Variants in FHIT observed in about 807,000 individuals in gnomAD.
FHIT encodes bis(5'-adenosyl)-triphosphatase.
In FHIT, 19 loss-of-function variants were observed where a neutral mutation model predicts 17.9. The ratio of observed to expected loss-of-function variants is 1.06; its 90% CI spans 0.74 to 1.56. The LOEUF (loss-of-function observed/expected upper bound fraction) is 1.56. Among genes scored for constraint, FHIT ranks in the 40% most tolerant of loss-of-function variants. The pLI, the probability that FHIT is intolerant of heterozygous loss-of-function variation, is 0.00. For missense variants in FHIT, 248 were observed against 189.2 expected (o/e 1.31, Z -1.82); for synonymous variants, 81 against 69.7 (o/e 1.16, Z -0.81).
In FHIT at chr3:59,788,881, G is replaced by GTTTTTTTTTTTTTTTTTTTTTTTTTTT. The variant is rs60361063; in HGVS notation, c.349-36561_349-36560insAAAAAAAAAAAAAAAAAAAAAAAAAAA. 1.0e-4 allele frequency among the ~76,000 whole-genome samples: 9 copies of GTTTTTTTTTTTTTTTTTTTTTTTTTTT among 86,832 alleles called. 1 individual carries two copies. Among genetic ancestry groups the GTTTTTTTTTTTTTTTTTTTTTTTTTTT allele is most frequent in the East Asian group, 4.0e-4 (1 of 2,508 alleles). 57.0% of individuals were successfully genotyped at this position (86,832 alleles called of 152,430 possible). A position where few individuals can be genotyped will look rare whatever the true frequency, so the allele number is the denominator to read the frequency against. ...ACCACGTTCTTTGCTGAGTTCATATGTTTTTTTTTTTTACCCCATCTCCAA... is the reference window on the plus strand; with the variant it reads ...ACCACGTTCTTTGCTGAGTTCATATGTTTTTTTTTTTTTTTTTTTTTTTTTTTTTTTTTTTTTTTACCCCATCTCCAA... On this transcript the variant is annotated intron_variant, in intron 8 of 9. Transcript: ENST00000492590.
chr3:61,132,381 G>C (rs928692814), intron 2 of FHIT, among the ~76,000 whole-genome samples: 4 of 152,062 alleles, frequency 2.6e-5, no homozygotes, highest in Non-Finnish European at 5.9e-5. Flanking sequence ...AATATTTACT[G>C]AACACCTGCT....
At position 60,056,727 on chromosome 3, in the gene FHIT, A is replaced by C. The variant is rs145789658; in HGVS notation, c.104-42575T>G. Among the ~76,000 whole-genome samples the C allele has an allele frequency of 3.1e-4, 47 of 152,344 alleles. No homozygotes were observed. The East Asian group carries it at 8.5e-3, about 28-fold the overall frequency. On this transcript the variant is annotated intron_variant, in intron 5 of 9. Transcript: ENST00000492590. ...TTTGCTGGCTTGGCAGGAAAACAGA[A>C]ATTGCTTTTTATCAAAATGAAAAAG... is the stretch of plus-strand genomic sequence containing the variant.
At chr3:60,118,786 G>GC (rs1705107790) in intron 5 of FHIT, among the ~76,000 whole-genome samples, 4 of 135,928 alleles carry the variant, frequency 2.9e-5, no homozygotes, top group African/African-American at 1.1e-4. Context: ...GGGGGGGGGG[G>GC]GTGGTGAATC....
intron 5 of FHIT, among the ~76,000 whole-genome samples, chr3:60,368,842 T>C (rs1242350857): frequency 6.6e-6 from 1 of 152,156 alleles, no homozygotes; most frequent in Non-Finnish European, 1.5e-5. Context: ...AAATAGTTCT[T>C]TTTCTTAGTC....
intron 3 of FHIT, among the ~76,000 whole-genome samples, chr3:60,830,460 C>T (rs1050858448): frequency 1.3e-5 from 2 of 152,114 alleles, no homozygotes; most frequent in African/African-American, 2.4e-5. Flanking sequence ...AGAGATTTCT[C>T]TCAGGGAATA....
chr3:61,185,198 G>A (rs2038469707), intron 2 of FHIT, among the ~76,000 whole-genome samples: 1 of 152,154 alleles, frequency 6.6e-6, no homozygotes, highest in African/African-American at 2.4e-5. Context: ...TTAAGCCGGA[G>A]CAAAGCAATT....
intron 2 of FHIT, among the ~76,000 whole-genome samples, chr3:61,144,702 G>A (rs752972427): frequency 1.3e-5 from 2 of 152,056 alleles, no homozygotes; most frequent in Admixed American, 6.6e-5. Context: ...CCTCACCAAC[G>A]CTTGTTATTG....
rs143211564 is a variant in FHIT at position 60,612,662 on chromosome 3, T to G, written c.-17-75683A>C. ...GGTAAAAGTTAGTTAAATTTCAGAATTTTTAAAAGAAGGGATATCATTCAT... is the reference window on the plus strand; with the variant it reads ...GGTAAAAGTTAGTTAAATTTCAGAAGTTTTAAAAGAAGGGATATCATTCAT... On this transcript the variant is annotated intron_variant, in intron 4 of 9. Coordinates refer to ENST00000492590, the MANE Select transcript of FHIT (RefSeq NM_002012.4). Among the ~76,000 whole-genome samples, 23 of 152,284 alleles carry G rather than the reference T, an allele frequency of 1.5e-4. No homozygotes were observed. In the East Asian group the frequency reaches 4.3e-3, roughly 28 times the overall value.
chr3:60,763,244 A>G (rs946283986), intron 4 of FHIT, among the ~76,000 whole-genome samples: 1 of 152,236 alleles, frequency 6.6e-6, no homozygotes, highest in African/African-American at 2.4e-5. Context: ...GATCATTATC[A>G]TGGTGGGCTC....
intron 8 of FHIT, among the ~76,000 whole-genome samples, chr3:59,808,261 G>A (rs1328750453): frequency 6.6e-6 from 1 of 152,144 alleles, no homozygotes; most frequent in Non-Finnish European, 1.5e-5. Context: ...TGGTTTGAAA[G>A]GGGGCTTGGT....
At chr3:61,167,616 G>C (rs2037876555) in intron 2 of FHIT, among the ~76,000 whole-genome samples, 1 of 111,094 alleles carries the variant, frequency 9.0e-6, no homozygotes, top group African/African-American at 3.6e-5. Context: ...GCAGCAGAGT[G>C]AAACTGTGTC....
chr3:60,369,614 GT>G lies in FHIT; in HGVS notation c.103+167245del, dbSNP rs1700243849. On this transcript the variant is annotated intron_variant, in intron 5 of 9. Coordinates refer to ENST00000492590, the MANE Select transcript of FHIT (RefSeq NM_002012.4). ...ACGCTTGCTTTTATACTCTGTTAGA[GT>G]GGGCCTATTTGGTTTTATTCTTCAT... Among the ~76,000 whole-genome samples the G allele has an allele frequency of 3.9e-5, 6 of 152,152 alleles. No individual in the cohort carries two copies. The South Asian group carries it at 1.2e-3, about 32-fold the overall frequency.
rs1487001847 is a variant in FHIT, at chr3:60,785,930, C to G, written c.-18+35989G>C. Among the ~76,000 whole-genome samples, 262 of 119,910 alleles carry G rather than the reference C, an allele frequency of 2.2e-3. 2 individuals are homozygous for G. The highest frequency in any genetic ancestry group is 7.5e-3 in the African/African-American group (238 of 31,780). The allele number at this position is 119,910 out of a possible 152,430, so 78.7% of individuals were successfully genotyped here. On this transcript the variant is annotated intron_variant, in intron 4 of 9. Transcript: ENST00000492590. ...ACACACACACACACACACACACACA[C>G]ACACAGAGAGAGTACTTTTCAAGAT...
chr3:61,071,115 A>T (rs2034790573), intron 2 of FHIT, among the ~76,000 whole-genome samples: 1 of 152,222 alleles, frequency 6.6e-6, no homozygotes, highest in Non-Finnish European at 1.5e-5. Flanking sequence ...TAATACAAGA[A>T]GCATAATGAA....
intron 8 of FHIT, among the ~76,000 whole-genome samples, chr3:59,806,646 ATACATATATATG>A (rs1315394825): frequency 1.5e-3 from 83 of 56,256 alleles, no homozygotes; most frequent in East Asian, 4.2e-3. Context: ...ATATATATAT[ATACATATATATG>A]TATACATATA....
At chr3:60,418,454 TAGAC>T (rs1349996325) in intron 5 of FHIT, among the ~76,000 whole-genome samples, 6 of 139,212 alleles carry the variant, frequency 4.3e-5, no homozygotes, top group Non-Finnish European at 9.2e-5. Context: ...CACAGACGAT[TAGAC>T]AGCCCTTACC....
At chr3:60,345,837 C>T (rs901269700) in intron 5 of FHIT, among the ~76,000 whole-genome samples, 1 of 151,532 alleles carries the variant, frequency 6.6e-6, no homozygotes, top group East Asian at 1.9e-4. Context: ...ATAAGAAACA[C>T]CTGGTTTCAC....
intron 3 of FHIT, among the ~76,000 whole-genome samples, chr3:60,919,611 G>A (rs1707176135): frequency 6.6e-6 from 1 of 152,152 alleles, no homozygotes; most frequent in African/African-American, 2.4e-5. Context: ...GCAAAGCAGA[G>A]AGTGGGTAGG....
chr3:60,836,017 C>A (rs1702529657), intron 3 of FHIT, among the ~76,000 whole-genome samples: 1 of 152,186 alleles, frequency 6.6e-6, no homozygotes, highest in Non-Finnish European at 1.5e-5. Context: ...TAACAGTTTT[C>A]TTTCTTTCCA....
Sources: allele counts gnomAD v4.1 joint callset (sites outside exome capture counted in the v4.1 genomes callset), GRCh38; gene constraint gnomAD v4.1.1; transcripts MANE v1.5; gene names NCBI Gene and HGNC (gene_info 2026-07-23, HGNC 2026-07-21).